DENND2A: variants seen among roughly 807,000 people sequenced by gnomAD.
The protein encoded by DENND2A is DENN domain-containing protein 2A.
DENND2A carries 53 observed loss-of-function variants against 105.3 expected under a neutral mutation model. The ratio of observed to expected loss-of-function variants is 0.50; its 90% CI spans 0.40 to 0.63. The LOEUF (loss-of-function observed/expected upper bound fraction) is 0.63. Among genes scored for constraint, DENND2A ranks in the 30% least tolerant of loss-of-function variants. The pLI, the probability that DENND2A is intolerant of heterozygous loss-of-function variation, is 0.00. For missense variants in DENND2A, 1,138 were observed against 1,279.6 expected (o/e 0.89, Z 1.69); for synonymous variants, 522 against 508.4 (o/e 1.03, Z -0.36).
intron 1 of DENND2A, among the ~76,000 whole-genome samples, chr7:140,625,692 A>C (rs1411785632): frequency 6.6e-6 from 1 of 152,172 alleles, no homozygotes; most frequent in East Asian, 1.9e-4. Flanking sequence ...AAAAACAAAA[A>C]CAAAAAACAA....
rs78670283 is a variant in DENND2A at position 140,539,688 on chromosome 7, G to T, written c.2327+4930C>A. Among the ~76,000 whole-genome samples, 412 of 152,314 alleles carry T rather than the reference G, an allele frequency of 2.7e-3. 1 individual carries two copies. The highest frequency in any genetic ancestry group is 4.1e-3 in the Non-Finnish European group (281 of 68,040). On this transcript the variant is annotated intron_variant, in intron 14 of 19. Transcript: ENST00000496613. ...AGGGCCGTAGGGGGCATGAAATGAC[G>T]CAGGTCAGACCCTCAGAAGGCGCCC...
intron 3 of DENND2A, among the ~76,000 whole-genome samples, chr7:140,591,817 CTT>C (rs1440490003): frequency 1.4e-5 from 2 of 145,278 alleles, no homozygotes; most frequent in Non-Finnish European, 3.0e-5. Context: ...TTTTCCTTCT[CTT>C]TCTTTCCCTC....
At position 140,527,895 on chromosome 7, in the gene DENND2A, C is replaced by T. The variant is rs1482407970; in HGVS notation, c.2328-400G>A. On this transcript the variant is annotated intron_variant, in intron 14 of 19. Transcript: ENST00000496613. The surrounding 1 kb of genome is among the most constrained non-coding windows in gnomAD (Gnocchi z 4.9). Reference sequence around the variant, plus strand: ...TGTTGCCCAGGCTGGGGTGCAGTGGCGTGATTTGGGCTTACTGCAACCTCT... The same window carrying T: ...TGTTGCCCAGGCTGGGGTGCAGTGGTGTGATTTGGGCTTACTGCAACCTCT... Among the ~76,000 whole-genome samples the T allele has an allele frequency of 1.3e-5, 2 of 152,028 alleles. No individual in the cohort carries two copies. The highest frequency in any genetic ancestry group is 4.8e-5 in the African/African-American group (2 of 41,468).
At chr7:140,590,045 G>A (rs1343109489) in intron 3 of DENND2A, among the ~76,000 whole-genome samples, 1 of 152,140 alleles carries the variant, frequency 6.6e-6, no homozygotes, top group Non-Finnish European at 1.5e-5. Flanking sequence ...GAAGATATTT[G>A]TATGGTTAAA....
chr7:140,626,145 C>T (rs1007891629), intron 1 of DENND2A, among the ~76,000 whole-genome samples: 7 of 152,226 alleles, frequency 4.6e-5, no homozygotes, highest in East Asian at 3.8e-4. Context: ...TCCACCTTGA[C>T]GGCACCGTAC....
rs201794448 is a variant in DENND2A at position 140,605,093 on chromosome 7, C to T, written c.-146+612G>A. Among the ~76,000 whole-genome samples, 7 of 152,160 alleles carry T rather than the reference C, an allele frequency of 4.6e-5. No individual in the cohort carries two copies. In the East Asian group the frequency reaches 1.3e-3, roughly 29 times the overall value. On this transcript the variant is annotated intron_variant, in intron 2 of 19. Coordinates refer to ENST00000496613, the MANE Select transcript of DENND2A (RefSeq NM_015689.5). ...GAAAACTCACACTGGATTTACAAAA[C>T]TCACGCAACAGAGGCAAGGATGCCG...
intron 1 of DENND2A, among the ~76,000 whole-genome samples, chr7:140,631,669 AGAT>A (rs1208630903): frequency 3.9e-5 from 6 of 152,218 alleles, no homozygotes; most frequent in African/African-American, 1.4e-4. Flanking sequence ...TCACAAATAC[AGAT>A]GATGAAATGA....
intron 5 of DENND2A, among the ~76,000 whole-genome samples, chr7:140,579,333 T>C (rs1251671157): frequency 1.3e-5 from 2 of 151,404 alleles, no homozygotes. Context: ...ATTGATGACA[T>C]GGGAAAATAC....
intron 3 of DENND2A, among the ~76,000 whole-genome samples, chr7:140,588,720 A>G (rs979983826): frequency 8.6e-5 from 13 of 150,802 alleles, no homozygotes; most frequent in African/African-American, 3.2e-4. Context: ...GGTGGGAGCC[A>G]CCGTGCCCAA....
chr7:140,555,525 G>A, intron 12 of DENND2A, 111 bp downstream of exon 12: 1 of 875,570 alleles, frequency 1.1e-6, no homozygotes. Flanking sequence ...GGGAAGGGAA[G>A]TAGGTAGAGA....
chr7:140,544,615 T>C lies in DENND2A; in HGVS notation c.2327+3A>G. The C allele has an allele frequency of 6.2e-7, 1 of 1,614,136 alleles. No individual in the cohort carries two copies. Among genetic ancestry groups the C allele is most frequent in the Non-Finnish European group, 8.5e-7 (1 of 1,180,042 alleles). On this transcript the variant is annotated splice_donor_region_variant and intron_variant, in intron 14 of 19. Coordinates refer to ENST00000496613, the MANE Select transcript of DENND2A (RefSeq NM_015689.5). Reference sequence around the variant, plus strand: ...CTTTAGCAGAAGTAGCCAAGGCGGGTACCTGAGCTTGTCTGCAATGAAGAT... The same window carrying C: ...CTTTAGCAGAAGTAGCCAAGGCGGGCACCTGAGCTTGTCTGCAATGAAGAT...
intron 14 of DENND2A, among the ~76,000 whole-genome samples, chr7:140,531,028 G>A (rs945738571): frequency 6.6e-6 from 1 of 152,144 alleles, no homozygotes; most frequent in Non-Finnish European, 1.5e-5. Flanking sequence ...CACCACATCC[G>A]GCCGACTTCT....
chr7:140,585,660 A>C lies in DENND2A; in HGVS notation c.1174T>G (p.Cys392Gly). ...PYEDIELHGR[C>G]LGKKCVLNFP... ...TTCAAGACACACTTCTTTCCCAGGC[A>C]GCGACCATGTAACTCGATGTCCTCA... The change falls in exon 5 of 20, where the codon TGC (cysteine) becomes GGC (glycine). Residue 392 changes from cysteine to glycine, a missense_variant. Cys to Gly is a radical substitution (Grantham distance 159). Coordinates refer to ENST00000496613, the MANE Select transcript of DENND2A (RefSeq NM_015689.5). 1 of 1,614,220 alleles carries C rather than the reference A, an allele frequency of 6.2e-7. No individual in the cohort carries two copies. The highest frequency in any genetic ancestry group is 8.5e-7 in the Non-Finnish European group (1 of 1,180,032).
chr7:140,608,600 CA>C (rs976957549), intron 1 of DENND2A, among the ~76,000 whole-genome samples: 4 of 151,718 alleles, frequency 2.6e-5, no homozygotes, highest in African/African-American at 9.7e-5. Flanking sequence ...TGCTTGAGCC[CA>C]GCAGATGGAG....
chr7:140,568,667 G>T, intron 8 of DENND2A, 96 bp downstream of exon 8: 3 of 1,318,978 alleles, frequency 2.3e-6, no homozygotes, highest in Non-Finnish European at 3.3e-6. Flanking sequence ...GCAAGCTCCG[G>T]CAGGACGCTT....
At chr7:140,518,821 T>C in intron 19 of DENND2A, 83 bp from the exon 20 acceptor site, 3 of 1,471,116 alleles carry the variant, frequency 2.0e-6, no homozygotes, top group Non-Finnish European at 2.8e-6. Context: ...CCAGAAGTGG[T>C]GCGGGTAACG....
intron 13 of DENND2A, 195 bp from the exon 14 acceptor site, chr7:140,544,961 G>T: frequency 1.3e-6 from 1 of 762,740 alleles, no homozygotes; most frequent in Non-Finnish European, 1.6e-6. Flanking sequence ...GGAGGAGGTA[G>T]CTTTGGTAGG....
rs1278886425 is a variant in DENND2A, at chr7:140,585,660, A to G, written c.1174T>C (p.Cys392Arg). ...PYEDIELHGR[C>R]LGKKCVLNFP... is the part of the protein sequence containing the mutation. ...TTCAAGACACACTTCTTTCCCAGGC[A>G]GCGACCATGTAACTCGATGTCCTCA... is the stretch of plus-strand genomic sequence containing the variant. The change falls in exon 5 of 20, where the codon TGC becomes CGC. Residue 392 changes from cysteine to arginine, a missense_variant. Coordinates refer to ENST00000496613, the MANE Select transcript of DENND2A (RefSeq NM_015689.5). 6 of 1,614,102 alleles carry G rather than the reference A, an allele frequency of 3.7e-6. No homozygotes were observed. The highest frequency in any genetic ancestry group is 5.1e-6 in the Non-Finnish European group (6 of 1,180,040).
At chr7:140,578,521 T>G (rs922807617) in intron 5 of DENND2A, among the ~76,000 whole-genome samples, 1 of 152,232 alleles carries the variant, frequency 6.6e-6, no homozygotes, top group African/African-American at 2.4e-5. Context: ...TTTGCTCATA[T>G]GTGCCTGTAG....
Sources: gnomAD v4.1 joint callset for allele counts (sites outside exome capture counted in the v4.1 genomes callset) on GRCh38, gnomAD v4.1.1 for gene constraint, Gnocchi (gnomAD v3.1) non-coding constraint, MANE v1.5 for transcripts, NCBI Gene and HGNC (gene_info 2026-07-23, HGNC 2026-07-21) for gene names.